Variants in MYO1D observed in about 807,000 individuals in gnomAD.
MYO1D encodes the protein unconventional myosin-Id.
Under a neutral mutation model 122.0 loss-of-function variants are expected in MYO1D, and 83 were observed. The observed-to-expected ratio is 0.68, with a 90% confidence interval of 0.57 to 0.82. The LOEUF (loss-of-function observed/expected upper bound fraction) is 0.82. MYO1D is among the 40% of genes least tolerant of loss of function. MYO1D has a pLI of 0.00. For missense variants in MYO1D, 1,157 were observed against 1,269.5 expected (o/e 0.91, Z 1.35); for synonymous variants, 464 against 446.9 (o/e 1.04, Z -0.48).
Position 32,537,733 on chromosome 17 carries a change from G to A in MYO1D, c.2865-42818C>T, listed in dbSNP as rs147041574. 9.0e-3 allele frequency among the ~76,000 whole-genome samples: 1,371 copies of A among 152,282 alleles called. 10 individuals carry two copies. Among genetic ancestry groups the A allele is most frequent in the East Asian group, 0.054 (279 of 5,186 alleles). ...TAAGAAGGAAATGTCATCCTAGTAC[G>A]CTACCTGGCTCTGAAGGAAACAATG... On this transcript the variant is annotated intron_variant, in intron 21 of 21. Coordinates refer to ENST00000318217, the MANE Select transcript of MYO1D (RefSeq NM_015194.3).
chr17:32,673,410 C>T (rs2088753400), intron 16 of MYO1D, among the ~76,000 whole-genome samples: 2 of 151,924 alleles, frequency 1.3e-5, no homozygotes, highest in South Asian at 2.1e-4. Context: ...CGCCAACATG[C>T]TACATTTTTT....
intron 10 of MYO1D, chr17:32,759,993 G>A: frequency 5.1e-6 from 3 of 591,032 alleles, no homozygotes; most frequent in Non-Finnish European, 9.0e-6. Context: ...AATAAAGTAT[G>A]CTAAACCTAA....
intron 20 of MYO1D, 56 bp downstream of exon 20, chr17:32,638,666 G>T: frequency 1.7e-6 from 2 of 1,210,752 alleles, no homozygotes; most frequent in South Asian, 1.3e-5. Flanking sequence ...ACCCATTAGT[G>T]GTCCATGAGC....
intron 1 of MYO1D, among the ~76,000 whole-genome samples, chr17:32,789,697 C>G (rs1471646886): frequency 6.6e-6 from 1 of 152,078 alleles, no homozygotes; most frequent in Admixed American, 6.5e-5. Flanking sequence ...AAAAATGCCC[C>G]ACGAAGGGAG....
chr17:32,870,184 C>T (rs1039986586), intron 1 of MYO1D, among the ~76,000 whole-genome samples: 1 of 152,084 alleles, frequency 6.6e-6, no homozygotes, highest in African/African-American at 2.4e-5. Flanking sequence ...CATTTTTGTC[C>T]CAATATGAAG....
chr17:32,609,086 G>A (rs961722791), intron 20 of MYO1D, among the ~76,000 whole-genome samples: 3 of 152,072 alleles, frequency 2.0e-5, no homozygotes, highest in Non-Finnish European at 4.4e-5. Flanking sequence ...ACAAATTTAC[G>A]CCCATACTAA....
chr17:32,778,727 T>C (rs1250094763), intron 2 of MYO1D, among the ~76,000 whole-genome samples, 154 bp from the exon 3 acceptor site: 1 of 152,244 alleles, frequency 6.6e-6, no homozygotes, highest in Middle Eastern at 3.2e-3. Context: ...AGTTATTTCG[T>C]CCTGCCTTGA....
At chr17:32,834,701 C>T (rs1003724459) in intron 1 of MYO1D, among the ~76,000 whole-genome samples, 1 of 152,200 alleles carries the variant, frequency 6.6e-6, no homozygotes, top group Non-Finnish European at 1.5e-5. Flanking sequence ...TGCCCCAAAA[C>T]AAACACTGTT....
At chr17:32,560,568 T>A (rs1412488253) in intron 21 of MYO1D, among the ~76,000 whole-genome samples, 2 of 110,504 alleles carry the variant, frequency 1.8e-5, no homozygotes, top group South Asian at 2.9e-4. Flanking sequence ...TATATATATA[T>A]ATATATATAA....
At chr17:32,630,545 G>T (rs917561202) in intron 20 of MYO1D, among the ~76,000 whole-genome samples, 13 of 152,022 alleles carry the variant, frequency 8.6e-5, no homozygotes, top group Non-Finnish European at 1.6e-4. Flanking sequence ...GAGGCTGGAA[G>T]TTTAAAATTA....
At chr17:32,802,733 G>A (rs1159077908) in intron 1 of MYO1D, among the ~76,000 whole-genome samples, 2 of 152,048 alleles carry the variant, frequency 1.3e-5, no homozygotes, top group African/African-American at 2.4e-5. Flanking sequence ...TGTGTATGTA[G>A]ACCTATAACA....
At chr17:32,645,197 T>A (rs1249866147) in intron 19 of MYO1D, among the ~76,000 whole-genome samples, 2 of 152,220 alleles carry the variant, frequency 1.3e-5, no homozygotes, top group Admixed American at 1.3e-4. Context: ...GATATGAAAT[T>A]GCGGGTTGAA....
chr17:32,622,824 A>G (rs1315344434), intron 20 of MYO1D, among the ~76,000 whole-genome samples: 1 of 152,180 alleles, frequency 6.6e-6, no homozygotes, highest in East Asian at 1.9e-4. Context: ...GCATTATTTC[A>G]TATACCTCAT....
chr17:32,724,971 G>A (rs1244409734), intron 14 of MYO1D, among the ~76,000 whole-genome samples: 1 of 152,034 alleles, frequency 6.6e-6, no homozygotes, highest in African/African-American at 2.4e-5. Flanking sequence ...AAGTAGCCAA[G>A]TAAACTGGAA....
chr17:32,870,583 A>G (rs531010562), intron 1 of MYO1D, among the ~76,000 whole-genome samples: 65 of 142,602 alleles, frequency 4.6e-4, no homozygotes, highest in African/African-American at 1.6e-3. Context: ...CAGTATTTTG[A>G]GAAGATTGTC....
At position 32,712,032 on chromosome 17, in the gene MYO1D, G is replaced by A; in HGVS notation, c.2077C>T (p.Leu693Phe). Reference sequence around the variant, plus strand: ...ATCCTTATGAGCATCTGGGCACGGAGTTCTTCCAAGGTAAACAATGTTCGG... The same window carrying A: ...ATCCTTATGAGCATCTGGGCACGGAATTCTTCCAAGGTAAACAATGTTCGG... ...TPRTLFTLEE[L>F]RAQMLIRIVL... is the part of the protein sequence containing the mutation. Residue 693 changes from leucine to phenylalanine, a missense_variant, in exon 16 of 22, where the codon CTC becomes TTC. Leu to Phe is a conservative substitution (Grantham distance 22). Coordinates refer to ENST00000318217, the MANE Select transcript of MYO1D (RefSeq NM_015194.3). 6.2e-7 allele frequency: 1 copy of A among 1,614,122 alleles called. No individual in the cohort carries two copies. Among genetic ancestry groups the A allele is most frequent in the South Asian group, 1.1e-5 (1 of 91,088 alleles).
At chr17:32,862,261 G>A (rs1316695488) in intron 1 of MYO1D, among the ~76,000 whole-genome samples, 1 of 152,158 alleles carries the variant, frequency 6.6e-6, no homozygotes, top group Non-Finnish European at 1.5e-5. Flanking sequence ...ACTATTTGTA[G>A]TTATCCTTTT....
intron 7 of MYO1D, among the ~76,000 whole-genome samples, chr17:32,766,550 C>A (rs1375521784): frequency 6.6e-6 from 1 of 152,080 alleles, no homozygotes; most frequent in Non-Finnish European, 1.5e-5. Flanking sequence ...AATCCCAGAA[C>A]TTTGGGAGGC....
chr17:32,518,331 C>T (rs1163365823), intron 21 of MYO1D: 1 of 153,310 alleles, frequency 6.5e-6, no homozygotes, highest in African/African-American at 2.4e-5. Flanking sequence ...GTTGCACACT[C>T]ATTACTGTTT....
Sources: gnomAD v4.1 joint callset for allele counts (sites outside exome capture counted in the v4.1 genomes callset) on GRCh38, gnomAD v4.1.1 for gene constraint, MANE v1.5 for transcripts, NCBI Gene and HGNC (gene_info 2026-07-23, HGNC 2026-07-21) for gene names.